Variants in BRI3 observed in about 807,000 individuals in gnomAD.
The protein encoded by BRI3 is brain protein I3.
In BRI3, 6 loss-of-function variants were observed where a neutral mutation model predicts 12.8. The ratio of observed to expected loss-of-function variants is 0.47; its 90% CI spans 0.26 to 0.93. The LOEUF (loss-of-function observed/expected upper bound fraction) is 0.93. Ranked by LOEUF, BRI3 falls within the 40% of genes least tolerant of loss-of-function variation. The pLI, the probability that BRI3 is intolerant of heterozygous loss-of-function variation, is 0.15. For missense variants in BRI3, 134 were observed against 171.1 expected (o/e 0.78, Z 1.21); for synonymous variants, 91 against 76.1 (o/e 1.20, Z -1.02).
downstream of BRI3, among the ~76,000 whole-genome samples, chr7:98,312,706 TAG>T (rs1021340056): frequency 2.0e-5 from 3 of 152,076 alleles, no homozygotes; most frequent in Admixed American, 1.3e-4. Flanking sequence ...ATTCAGACAT[TAG>T]AGAAGTGAAT....
At chr7:98,297,568 C>T (rs1800243415), downstream of BRI3, among the ~76,000 whole-genome samples, 3 of 152,220 alleles carry the variant, frequency 2.0e-5, no homozygotes, top group South Asian at 6.2e-4. Context: ...CTCACTGACA[C>T]CTGTCTTCAG....
chr7:98,308,086 G>C (rs1344875501), exon 2 of BRI3: 1 of 705,866 alleles, frequency 1.4e-6, no homozygotes, highest in East Asian at 2.8e-5. Flanking sequence ...GAGAAACAGA[G>C]GCAGCGTGCA....
Position 98,282,460 on chromosome 7 carries a change from G to A in BRI3, c.245+7G>A, listed in dbSNP as rs533190949. 1.4e-5 allele frequency: 22 copies of A among 1,610,178 alleles called. No individual in the cohort carries two copies. The African/African-American group carries it at 2.5e-4, about 19-fold the overall frequency. ...GAGGCTGTCCTGTCTGCAGGTGAGTGGGTCTGCAGCCTGGGGACTGGCCCT... is the reference window on the plus strand; with the variant it reads ...GAGGCTGTCCTGTCTGCAGGTGAGTAGGTCTGCAGCCTGGGGACTGGCCCT... On this transcript the variant is annotated splice_region_variant and intron_variant, in intron 2 of 2. Transcript: ENST00000297290.
chr7:98,292,974 C>T, downstream of BRI3: 15 of 1,196,446 alleles, frequency 1.3e-5, no homozygotes, highest in South Asian at 1.4e-4. Context: ...GTGGGGGTTT[C>T]TCCATCTCTG....
At chr7:98,307,290 G>A (rs1800695812) in intron 1 of BRI3, 1 of 579,350 alleles carries the variant, frequency 1.7e-6, no homozygotes, top group African/African-American at 2.0e-5. Flanking sequence ...ATTTTTCGTA[G>A]AGATGGGGTT....
chr7:98,282,079 G>T, intron 1 of BRI3, 142 bp downstream of exon 1: 1 of 1,178,110 alleles, frequency 8.5e-7, no homozygotes, highest in Non-Finnish European at 1.1e-6. Flanking sequence ...GGGACCCGGC[G>T]CCGCCGAGGG....
chr7:98,305,270 G>A (rs1437732789), upstream of BRI3, among the ~76,000 whole-genome samples: 1 of 150,914 alleles, frequency 6.6e-6, no homozygotes, highest in East Asian at 1.9e-4. Context: ...TTTAATCTAA[G>A]GAAAGAAATT....
intron 2 of BRI3, among the ~76,000 whole-genome samples, chr7:98,284,414 G>C (rs537448229): frequency 2.0e-5 from 3 of 152,338 alleles, no homozygotes; most frequent in East Asian, 1.9e-4. Flanking sequence ...GCCAGAGGGC[G>C]AGCAGGGGGC....
chr7:98,288,788 A>AGGTTGGGGGGG (rs11275179), intron 2 of BRI3, among the ~76,000 whole-genome samples: 55 of 150,682 alleles, frequency 3.7e-4, no homozygotes, highest in East Asian at 3.6e-3. Context: ...TTTTGTAGGG[A>AGGTTGGGGGGG]GGGGTCTTTG....
the BRI3 span, among the ~76,000 whole-genome samples, chr7:98,317,051 C>T: frequency 6.6e-6 from 1 of 152,212 alleles, no homozygotes; most frequent in Non-Finnish European, 1.5e-5. Flanking sequence ...CAAGGTTTCA[C>T]CACATTGGCC....
chr7:98,312,855 C>G (rs1800922569), downstream of BRI3, among the ~76,000 whole-genome samples: 1 of 152,174 alleles, frequency 6.6e-6, no homozygotes, highest in Admixed American at 6.5e-5. Flanking sequence ...AACCCGCAAC[C>G]CTGGAGGCAG....
At chr7:98,310,267 G>T (rs368993448) in exon 2 of BRI3, 37 of 599,824 alleles carry the variant, frequency 6.2e-5, no homozygotes, top group East Asian at 4.9e-4. Context: ...GCGTCTCACA[G>T]TCTAGTCCTG....
At chr7:98,294,482 C>T (rs1030170585), downstream of BRI3, among the ~76,000 whole-genome samples, 1 of 152,228 alleles carries the variant, frequency 6.6e-6, no homozygotes, top group South Asian at 2.1e-4. Flanking sequence ...ATGGCACTGC[C>T]TGCGCGGGTC....
At chr7:98,311,276 GC>G (rs1217529539), downstream of BRI3, among the ~76,000 whole-genome samples, 2 of 152,126 alleles carry the variant, frequency 1.3e-5, no homozygotes, top group Admixed American at 6.6e-5. Context: ...GGGTGCAGTG[GC>G]TCACGCCTGT....
rs543890149 is a variant in BRI3 at position 98,284,268 on chromosome 7, C to T, written c.245+1815C>T. 2.0e-5 allele frequency among the ~76,000 whole-genome samples: 3 copies of T among 152,344 alleles called. No homozygotes were observed. The South Asian group carries it at 6.2e-4, about 32-fold the overall frequency. On this transcript the variant is annotated intron_variant, in intron 2 of 2. Transcript: ENST00000297290. ...GATCCTGCGGCGACCCCTTGGGTTG[C>T]AGCCAGGCCCTCCCAGCACACACGT...
chr7:98,299,256 T>G (rs1800320208), intron 1 of BRI3, among the ~76,000 whole-genome samples: 1 of 152,110 alleles, frequency 6.6e-6, no homozygotes, highest in South Asian at 2.1e-4. Flanking sequence ...TGACATCAGG[T>G]GATCCACCTG....
exon 2 of BRI3, chr7:98,308,933 C>A (rs1258540472): frequency 6.6e-6 from 1 of 152,156 alleles, no homozygotes; most frequent in African/African-American, 2.4e-5. Context: ...CCCAGCTTGG[C>A]CTCCCAAAGT....
At chr7:98,301,682 C>G (rs770630444), upstream of BRI3, among the ~76,000 whole-genome samples, 7 of 151,968 alleles carry the variant, frequency 4.6e-5, no homozygotes, top group Middle Eastern at 3.4e-3. Flanking sequence ...TGTGTGCACA[C>G]GCGCGTCTGT....
chr7:98,320,429 G>A, the BRI3 span: 8 of 654,128 alleles, frequency 1.2e-5, no homozygotes, highest in Admixed American at 9.1e-5. Context: ...TCCGCCTCCC[G>A]GGTTCAAACT....
Sources: allele counts gnomAD v4.1 joint callset (sites outside exome capture counted in the v4.1 genomes callset), GRCh38; gene constraint gnomAD v4.1.1; transcripts MANE v1.5; gene names NCBI Gene and HGNC (gene_info 2026-07-23, HGNC 2026-07-21).